Variants in WWP1 observed in about 807,000 individuals in gnomAD.
WWP1 encodes WW domain containing E3 ubiquitin protein ligase 1.
Under a neutral mutation model 130.6 loss-of-function variants are expected in WWP1, and 49 were observed. The ratio of observed to expected loss-of-function variants is 0.38; its 90% CI spans 0.30 to 0.48. The LOEUF (loss-of-function observed/expected upper bound fraction) is 0.48. WWP1 is among the 20% of genes least tolerant of loss of function. The pLI is 0.99. For synonymous variants in WWP1, 332 were observed against 367.8 expected, an observed-to-expected ratio of 0.90 and a Z score of 1.11; for missense variants, 809 against 1,100.6, an observed-to-expected ratio of 0.74 and a Z score of 3.75.
At chr8:86,362,659 G>A (rs1204385788) in intron 1 of WWP1, among the ~76,000 whole-genome samples, 2 of 152,114 alleles carry the variant, frequency 1.3e-5, no homozygotes, top group Non-Finnish European at 2.9e-5. Flanking sequence ...GTTTAAATGA[G>A]GGAGGAGAAG....
At chr8:86,381,818 G>T (rs1825002097) in intron 5 of WWP1, among the ~76,000 whole-genome samples, 189 bp downstream of exon 5, 1 of 152,170 alleles carries the variant, frequency 6.6e-6, no homozygotes, top group Non-Finnish European at 1.5e-5. Context: ...GCATTCTGCA[G>T]ATTTACAAGG....
intron 5 of WWP1, among the ~76,000 whole-genome samples, chr8:86,393,275 C>T (rs113237715): frequency 1.7e-4 from 26 of 152,134 alleles, no homozygotes; most frequent in African/African-American, 5.5e-4. Flanking sequence ...GGCACGATCT[C>T]GGCTCACTGC....
In WWP1 at chr8:86,411,789, G is replaced by A. The variant is rs772492166; in HGVS notation, c.976G>A (p.Ala326Thr). Residue 326 changes from alanine to threonine, a missense_variant, in exon 9 of 25, where the codon GCA (alanine) becomes ACA (threonine). Ala to Thr is a moderately conservative substitution (Grantham distance 58). Around this residue, in one of 3 missense-constraint regions of WWP1, gnomAD observed 97 missense variants for 80.4 expected, o/e 1.21. Coordinates refer to ENST00000517970, the MANE Select transcript of WWP1 (RefSeq NM_007013.4). ...TTCTAGAAGTAGTTCTGCTTTTGAA[G>A]CAGCCAAATCAAGACAGCCAGATGG... ...SNSRSSSAFEAAKSRQPDGCM... is the reference protein window; with the variant it reads ...SNSRSSSAFETAKSRQPDGCM... The A allele has an allele frequency of 2.7e-5, 44 of 1,614,008 alleles. No individual in the cohort carries two copies. The highest frequency in any genetic ancestry group is 3.5e-5 in the Non-Finnish European group (41 of 1,180,034).
chr8:86,374,488 G>C (rs144868463), intron 3 of WWP1, among the ~76,000 whole-genome samples: 2 of 147,936 alleles, frequency 1.4e-5, no homozygotes, highest in Non-Finnish European at 3.0e-5. Flanking sequence ...GGATTACACA[G>C]TACTGTAATT....
intron 5 of WWP1, among the ~76,000 whole-genome samples, chr8:86,397,787 G>A (rs1391345878): frequency 6.6e-6 from 1 of 152,194 alleles, no homozygotes; most frequent in Non-Finnish European, 1.5e-5. Flanking sequence ...ATAAACGATT[G>A]TCACAATATG....
chr8:86,440,647 A>T (rs1410740246), intron 17 of WWP1: 4 of 452,060 alleles, frequency 8.8e-6, no homozygotes, highest in South Asian at 6.3e-5. Flanking sequence ...GATCTTCCTT[A>T]ATGTCAGGGA....
chr8:86,402,272 C>G (rs1808032899), intron 8 of WWP1, 69 bp downstream of exon 8: 2 of 1,500,500 alleles, frequency 1.3e-6, no homozygotes, highest in East Asian at 4.7e-5. Flanking sequence ...CCATCCATGC[C>G]TACACTTCCC....
intron 21 of WWP1, among the ~76,000 whole-genome samples, chr8:86,457,351 G>A (rs1285172436): frequency 1.3e-5 from 2 of 151,802 alleles, no homozygotes; most frequent in East Asian, 3.9e-4. Context: ...TTTTAAAAAT[G>A]AGAACCAGAA....
chr8:86,389,999 C>T (rs1482110046), intron 5 of WWP1, among the ~76,000 whole-genome samples: 2 of 150,914 alleles, frequency 1.3e-5, no homozygotes, highest in Non-Finnish European at 3.0e-5. Flanking sequence ...GGCAGAGACG[C>T]TCCTCACCTC....
In WWP1 at chr8:86,355,320, A is replaced by G. The variant is rs376033100; in HGVS notation, c.-115+12390A>G. On this transcript the variant is annotated intron_variant, in intron 1 of 24. Coordinates refer to ENST00000517970, the MANE Select transcript of WWP1 (RefSeq NM_007013.4). ...GCAGTTCTGGGTTTGGCCTGCCATTAAGAAGCTCTGTGTTTCTGAGTAATT... is the reference window on the plus strand; with the variant it reads ...GCAGTTCTGGGTTTGGCCTGCCATTGAGAAGCTCTGTGTTTCTGAGTAATT... Among the ~76,000 whole-genome samples the G allele has an allele frequency of 3.5e-4, 54 of 152,314 alleles. 2 individuals carry two copies. In the South Asian group the frequency reaches 7.7e-3, roughly 22 times the overall value.
At position 86,425,344 on chromosome 8, in the gene WWP1, G is replaced by C. The variant is rs373156436; in HGVS notation, c.1157+26G>C. The C allele has an allele frequency of 1.9e-6, 3 of 1,547,206 alleles. No individual in the cohort carries two copies. The African/African-American group carries it at 4.1e-5, about 21-fold the overall frequency. The stretch of plus-strand genomic sequence containing the variant: ...GTAATATAGCACTCTTTATGCATTT[G>C]TAATTATATTTTATCACACATGTGG... On this transcript the variant is annotated intron_variant, in intron 10 of 24. Coordinates refer to ENST00000517970, the MANE Select transcript of WWP1 (RefSeq NM_007013.4).
chr8:86,421,680 T>C (rs1221764868), intron 9 of WWP1, among the ~76,000 whole-genome samples: 1 of 151,950 alleles, frequency 6.6e-6, no homozygotes, highest in East Asian at 1.9e-4. Context: ...AAAAATTAGC[T>C]GGGCGTGGTG....
intron 9 of WWP1, among the ~76,000 whole-genome samples, chr8:86,422,227 C>T (rs896956426): frequency 6.6e-6 from 1 of 151,928 alleles, no homozygotes; most frequent in East Asian, 1.9e-4. Context: ...ACTGCCTTCT[C>T]GAGTTCTTGT....
rs571731143 is a variant in WWP1 at position 86,439,465 on chromosome 8, G to A, written c.1838+792G>A. Among the ~76,000 whole-genome samples the A allele has an allele frequency of 3.9e-5, 6 of 152,192 alleles. No homozygotes were observed. The East Asian group carries it at 1.2e-3, about 29-fold the overall frequency. Reference sequence around the variant, plus strand: ...CAACCTTGGTCTCCCAAAGTACTGAGATTACAGGTGTGAGGCACAGCACTC... The same window carrying A: ...CAACCTTGGTCTCCCAAAGTACTGAAATTACAGGTGTGAGGCACAGCACTC... On this transcript the variant is annotated intron_variant, in intron 17 of 24. Transcript: ENST00000517970.
chr8:86,395,209 AACAAGCC>A (rs1243995614), intron 5 of WWP1, among the ~76,000 whole-genome samples: 1 of 152,184 alleles, frequency 6.6e-6, no homozygotes, highest in Non-Finnish European at 1.5e-5. Flanking sequence ...AACATAAGGG[AACAAGCC>A]ACCATAAGCA....
chr8:86,354,946 T>TA (rs1554552267), intron 1 of WWP1, among the ~76,000 whole-genome samples: 2 of 152,046 alleles, frequency 1.3e-5, no homozygotes, highest in East Asian at 1.9e-4. Flanking sequence ...CACCTTTTTT[T>TA]AAAAAAACCC....
At chr8:86,442,468 A>G in intron 17 of WWP1, 151 bp from the exon 18 acceptor site, 2 of 639,720 alleles carry the variant, frequency 3.1e-6, no homozygotes, top group Admixed American at 7.5e-5. Flanking sequence ...GCCAGATCAT[A>G]GAAGAACTTG....
In WWP1 at chr8:86,468,299, A is replaced by G. The variant is rs1438885140; in HGVS notation, c.*1406A>G. 7.1e-6 allele frequency: 3 copies of G among 420,500 alleles called. No individual in the cohort carries two copies. The highest frequency in any genetic ancestry group is 1.4e-5 in the Non-Finnish European group (3 of 217,288). 26.0% of individuals were successfully genotyped at this position (420,500 alleles called of 1,614,324 possible). A position where few individuals can be genotyped will look rare whatever the true frequency, so the allele number is the denominator to read the frequency against. ...TTGCCAAAATTTTATTTTTCTACAT[A>G]TTGAGAGTGTGTTCTCCATTTTATT... is the stretch of plus-strand genomic sequence containing the variant. On this transcript the variant is annotated 3_prime_UTR_variant, in exon 25 of 25. Coordinates refer to ENST00000517970, the MANE Select transcript of WWP1 (RefSeq NM_007013.4).
At chr8:86,466,652 TTACTC>T (rs1340084135) in intron 24 of WWP1, 137 bp from the exon 25 acceptor site, 9 of 424,944 alleles carry the variant, frequency 2.1e-5, no homozygotes, top group Admixed American at 4.4e-5. Flanking sequence ...TAAATTTAGA[TTACTC>T]TAAATACTTC....
Sources: gnomAD v4.1 joint callset for allele counts (sites outside exome capture counted in the v4.1 genomes callset) on GRCh38, gnomAD v4.1.1 for gene constraint, gnomAD v4.1.1 regional missense constraint, MANE v1.5 for transcripts, NCBI Gene and HGNC (gene_info 2026-07-23, HGNC 2026-07-21) for gene names.